CNOT10: variants seen among roughly 807,000 people sequenced by gnomAD.
The protein encoded by CNOT10 is CCR4-NOT transcription complex subunit 10, also known as CCR4-NOT transcription complex, subunit 10.
In CNOT10, 30 loss-of-function variants were observed where a neutral mutation model predicts 94.6. That is an observed-to-expected ratio of 0.32 (90% CI 0.24 to 0.43). CNOT10 has a LOEUF of 0.43. Ranked by LOEUF, CNOT10 falls within the 20% of genes least tolerant of loss-of-function variation. CNOT10 has a pLI of 1.00. For synonymous variants in CNOT10, 289 were observed against 301.6 expected, an observed-to-expected ratio of 0.96 and a Z score of 0.43; for missense variants, 759 against 877.2, an observed-to-expected ratio of 0.87 and a Z score of 1.70.
chr3:32,720,831 C>CCCTCCCTT (rs200409007), intron 8 of CNOT10, among the ~76,000 whole-genome samples: 18,921 of 127,330 alleles, frequency 0.15, 2,091 homozygotes, highest in African/African-American at 0.27. Flanking sequence ...TGCCCTCCCT[C>CCCTCCCTT]CCTCCCTTCC....
At chr3:32,721,238 A>G (rs1329559987) in intron 8 of CNOT10, among the ~76,000 whole-genome samples, 1 of 149,342 alleles carries the variant, frequency 6.7e-6, no homozygotes, top group Non-Finnish European at 1.5e-5. Context: ...TAATTTTTGT[A>G]TTTTTTGGTA....
At chr3:32,755,113 G>A (rs1700165674) in intron 13 of CNOT10, among the ~76,000 whole-genome samples, 1 of 150,754 alleles carries the variant, frequency 6.6e-6, no homozygotes, top group African/African-American at 2.4e-5. Flanking sequence ...GGGTGTGGTG[G>A]TGCACGCCTG....
intron 13 of CNOT10, among the ~76,000 whole-genome samples, chr3:32,750,780 G>C (rs1417221311): frequency 6.6e-6 from 1 of 152,020 alleles, no homozygotes; most frequent in African/African-American, 2.4e-5. Flanking sequence ...TCGAACTCCT[G>C]ACCTCGTGAT....
rs569501143 is a variant in CNOT10, at chr3:32,712,379, G to A, written c.431-848G>A. On this transcript the variant is annotated intron_variant, in intron 4 of 18. Coordinates refer to ENST00000328834, the MANE Select transcript of CNOT10 (RefSeq NM_015442.3). ...CACATACCTAGTTAGTGGCTGAATA[G>A]GTGCAGATTGAGTATCCCTTATCCA... is the stretch of plus-strand genomic sequence containing the variant. Among the ~76,000 whole-genome samples, 77 of 152,272 alleles carry A rather than the reference G, an allele frequency of 5.1e-4. No individual in the cohort carries two copies. The South Asian group carries it at 6.4e-3, about 13-fold the overall frequency.
At chr3:32,711,042 T>C (rs1400438593) in intron 4 of CNOT10, among the ~76,000 whole-genome samples, 2 of 152,150 alleles carry the variant, frequency 1.3e-5, no homozygotes, top group Non-Finnish European at 2.9e-5. Flanking sequence ...TCATACAACA[T>C]ATGCTAATTG....
At chr3:32,754,518 C>CTTTT (rs752732319) in intron 13 of CNOT10, among the ~76,000 whole-genome samples, 4 of 61,996 alleles carry the variant, frequency 6.5e-5, no homozygotes, top group African/African-American at 9.2e-5. Flanking sequence ...ATTTATTTTA[C>CTTTT]TTTTTTTTTT....
chr3:32,716,306 C>A lies in CNOT10; in HGVS notation c.655C>A (p.His219Asn). The change falls in exon 6 of 19, where the codon CAT becomes AAT. Residue 219 changes from histidine (H) to asparagine (N), a missense_variant. His to Asn is a moderately conservative substitution (Grantham distance 68, BLOSUM62 1). Around this residue, in one of 3 missense-constraint regions of CNOT10, gnomAD observed 682 missense variants for 799.4 expected, o/e 0.85. Transcript: ENST00000328834. Reference sequence around the variant, plus strand: ...AATAGAAGCTGCAAAATCAAAGATACATCAGGTAGTATAAATTTTAAAGGG... The same window carrying A: ...AATAGAAGCTGCAAAATCAAAGATAAATCAGGTAGTATAAATTTTAAAGGG... ...ALIEAAKSKI[H>N]QYKVRAYIQM... The A allele has an allele frequency of 6.5e-7, 1 of 1,549,996 alleles. No individual in the cohort carries two copies. The highest frequency in any genetic ancestry group is 8.8e-7 in the Non-Finnish European group (1 of 1,130,654).
intron 13 of CNOT10, among the ~76,000 whole-genome samples, chr3:32,758,347 C>A (rs77288970): frequency 1.3e-5 from 2 of 152,096 alleles, no homozygotes; most frequent in South Asian, 4.1e-4. Context: ...TTCTAAGATT[C>A]TAGGAACCAA....
chr3:32,695,939 A>G lies in CNOT10; in HGVS notation c.23-7929A>G, dbSNP rs1559476322. On this transcript the variant is annotated intron_variant, in intron 1 of 18. Coordinates refer to ENST00000328834, the MANE Select transcript of CNOT10 (RefSeq NM_015442.3). Reference sequence around the variant, plus strand: ...AACTCGAGAAATGTACAAATACACAAGGAAAATAAAAATAATCCTGTTGAA... The same window carrying G: ...AACTCGAGAAATGTACAAATACACAGGGAAAATAAAAATAATCCTGTTGAA... 7.6e-6 allele frequency: 6 copies of G among 785,830 alleles called. No individual in the cohort carries two copies. In the Admixed American group the frequency reaches 1.0e-4, roughly 13 times the overall value. 48.7% of individuals were successfully genotyped at this position (785,830 alleles called of 1,614,324 possible). A position where few individuals can be genotyped will look rare whatever the true frequency, so the allele number is the denominator to read the frequency against.
chr3:32,693,418 A>G (rs923806322), intron 1 of CNOT10: 8 of 151,554 alleles, frequency 5.3e-5, no homozygotes, highest in African/African-American at 1.9e-4. Flanking sequence ...GGGTTTTGCC[A>G]TGTATCCCGG....
chr3:32,752,969 T>C, intron 13 of CNOT10: 2 of 455,356 alleles, frequency 4.4e-6, no homozygotes, highest in Non-Finnish European at 4.3e-6. Context: ...GCTTCTTGGA[T>C]ACTCTAATCG....
At chr3:32,771,010 C>T (rs1463292829) in intron 18 of CNOT10, among the ~76,000 whole-genome samples, 1 of 151,984 alleles carries the variant, frequency 6.6e-6, no homozygotes, top group African/African-American at 2.4e-5. Context: ...AGAGCGACGA[C>T]CCATCAAATT....
intron 5 of CNOT10, among the ~76,000 whole-genome samples, chr3:32,714,929 G>T (rs1204158183): frequency 6.6e-6 from 1 of 152,022 alleles, no homozygotes; most frequent in African/African-American, 2.4e-5. Flanking sequence ...GTACATTCTT[G>T]ATGTTTAAAA....
rs756679334 is a variant in CNOT10, at chr3:32,769,953, C to T, written c.2071C>T (p.Leu691=). The T allele has an allele frequency of 9.9e-6, 16 of 1,612,118 alleles. No homozygotes were observed. In the Admixed American group the frequency reaches 2.3e-4, roughly 24 times the overall value. ...EAILLAVYLE[L]QNGNTQLALQ... is the part of the protein sequence containing the mutation. ...CATCTTGCTGGCAGTCTACCTTGAA[C>T]TGCAGAATGGTGAGTAATTCTCTCT... Residue 691 remains leucine, a synonymous_variant, in exon 18 of 19, where the codon CTG becomes TTG. Transcript: ENST00000328834.
intron 14 of CNOT10, 131 bp downstream of exon 14, chr3:32,759,702 G>T: frequency 1.4e-6 from 1 of 709,392 alleles, no homozygotes; most frequent in South Asian, 1.8e-5. Flanking sequence ...CTGTTTAAAA[G>T]AACGTTTTTT....
intron 17 of CNOT10, among the ~76,000 whole-genome samples, chr3:32,768,737 C>T (rs1322609643): frequency 6.6e-6 from 1 of 152,224 alleles, no homozygotes; most frequent in Non-Finnish European, 1.5e-5. Context: ...CCACCTCATT[C>T]ATGAGGAACT....
At chr3:32,757,398 C>T (rs146433797) in intron 13 of CNOT10, among the ~76,000 whole-genome samples, 4,542 of 151,934 alleles carry the variant, frequency 0.03, 119 homozygotes, top group African/African-American at 0.066. Context: ...AAGCTGGTCT[C>T]GAACTCCCAA....
intron 1 of CNOT10, among the ~76,000 whole-genome samples, chr3:32,688,928 G>A (rs1217822563): frequency 6.6e-6 from 1 of 151,972 alleles, no homozygotes; most frequent in South Asian, 2.1e-4. Flanking sequence ...ATAAAAGGCC[G>A]GACGTGGTGG....
intron 5 of CNOT10, among the ~76,000 whole-genome samples, chr3:32,714,474 C>A (rs936938803): frequency 6.7e-6 from 1 of 150,354 alleles, no homozygotes; most frequent in Non-Finnish European, 1.5e-5. Context: ...TTTGAGAGTC[C>A]AAGGCGGGTG....
Sources: allele counts gnomAD v4.1 joint callset (sites outside exome capture counted in the v4.1 genomes callset), GRCh38; gene constraint gnomAD v4.1.1; regional missense constraint gnomAD v4.1.1; transcripts MANE v1.5; gene names NCBI Gene and HGNC (gene_info 2026-07-23, HGNC 2026-07-21).